Variants in UPRT observed in about 807,000 individuals in gnomAD.
UPRT encodes the protein RP11-311P8.3.
UPRT carries 5 observed loss-of-function variants against 22.6 expected under a neutral mutation model. The ratio of observed to expected loss-of-function variants is 0.22; its 90% CI spans 0.12 to 0.47. UPRT has a LOEUF of 0.47. Among genes scored for constraint, UPRT ranks in the 20% least tolerant of loss-of-function variants. The pLI is 0.99. For missense variants in UPRT, 181 were observed against 239.9 expected (o/e 0.75, Z 1.62); for synonymous variants, 77 against 87.7 (o/e 0.88, Z 0.68).
intron 4 of UPRT, among the ~76,000 whole-genome samples, chrX:75,237,662 A>G (rs2082472593): frequency 9.1e-6 from 1 of 109,815 alleles, no homozygotes; most frequent in South Asian, 4.0e-4. Context: ...CATGGATGAA[A>G]TTGGAAATCA....
At chrX:75,226,890 T>A (rs780130230) in intron 4 of UPRT, among the ~76,000 whole-genome samples, 17 of 111,252 alleles carry the variant, frequency 1.5e-4, no homozygotes, top group African/African-American at 4.6e-4. Flanking sequence ...CAAAGTTGGT[T>A]CTCAATAAAT....
chrX:75,291,892 G>A (rs1454876615), intron 1 of UPRT, among the ~76,000 whole-genome samples: 1 of 111,358 alleles, frequency 9.0e-6, no homozygotes, highest in Non-Finnish European at 1.9e-5. Context: ...GGTGCTTATT[G>A]TGCAAAAGTT....
At chrX:75,232,132 G>T (rs1235668053) in intron 4 of UPRT, among the ~76,000 whole-genome samples, 1 of 112,434 alleles carries the variant, frequency 8.9e-6, no homozygotes, top group Non-Finnish European at 1.9e-5. Context: ...CTTGGGAAGG[G>T]CAAGGGGTCA....
At chrX:75,171,215 T>C (rs2082226407) in intron 4 of UPRT, among the ~76,000 whole-genome samples, 1 of 111,604 alleles carries the variant, frequency 9.0e-6, no homozygotes, top group Admixed American at 9.5e-5. Context: ...TAATTATTCT[T>C]GGGTCTGGTC....
chrX:75,181,364 G>GT (rs781085335), intron 4 of UPRT, among the ~76,000 whole-genome samples: 2 of 111,365 alleles, frequency 1.8e-5, no homozygotes, highest in South Asian at 3.7e-4. Context: ...TTTTAAAATA[G>GT]TTTTTTTCTA....
chrX:75,234,173 T>C (rs1159100967), intron 4 of UPRT, among the ~76,000 whole-genome samples: 1 of 110,110 alleles, frequency 9.1e-6, no homozygotes. Flanking sequence ...CCAACAAAGA[T>C]CAAAAGAGAC....
At position 75,300,849 on chromosome X, in the gene UPRT, G is replaced by A. The variant is rs202180867; in HGVS notation, c.725-18G>A. ...AATGTTAAGGTTGCTAATTCATTTGGTTATCTTTTGATTTCAGGCACTGGA... is the reference window on the plus strand; with the variant it reads ...AATGTTAAGGTTGCTAATTCATTTGATTATCTTTTGATTTCAGGCACTGGA... On this transcript the variant is annotated intron_variant, in intron 5 of 6. Coordinates refer to ENST00000373383, the MANE Select transcript of UPRT (RefSeq NM_145052.4). 6.8e-5 allele frequency: 78 copies of A among 1,153,887 alleles called. No homozygotes were observed. The South Asian group carries it at 1.4e-3, about 20-fold the overall frequency.
At chrX:75,247,140 C>T (rs1015590806) in intron 4 of UPRT, among the ~76,000 whole-genome samples, 17 of 111,132 alleles carry the variant, frequency 1.5e-4, no homozygotes, top group African/African-American at 5.2e-4. Context: ...AAAAACAGAG[C>T]TCCCAGCATG....
At chrX:75,284,887 G>T (rs1260026169) in intron 1 of UPRT, among the ~76,000 whole-genome samples, 1 of 111,418 alleles carries the variant, frequency 9.0e-6, no homozygotes, top group Non-Finnish European at 1.9e-5. Context: ...TTTGTCTTCT[G>T]CTACCAGGGT....
At chrX:75,173,678 A>G (rs1164336077) in intron 4 of UPRT, among the ~76,000 whole-genome samples, 1 of 112,371 alleles carries the variant, frequency 8.9e-6, no homozygotes, top group Admixed American at 9.3e-5. Flanking sequence ...CTCGGGCCAC[A>G]CAGGAGCCCA....
chrX:75,173,601 T>C (rs1414084485), intron 4 of UPRT, among the ~76,000 whole-genome samples: 1 of 112,587 alleles, frequency 8.9e-6, no homozygotes, highest in Non-Finnish European at 1.9e-5. Context: ...GCGCTCACAC[T>C]CCTCAGCCCT....
intron 4 of UPRT, among the ~76,000 whole-genome samples, chrX:75,247,992 C>A (rs1247998748): frequency 8.9e-6 from 1 of 111,924 alleles, no homozygotes; most frequent in Non-Finnish European, 1.9e-5. Context: ...GTAAACTCTG[C>A]AGCTGAGGGT....
At chrX:75,272,360 G>GCA (rs1569279578), upstream of UPRT, among the ~76,000 whole-genome samples, 1 of 81,323 alleles carries the variant, frequency 1.2e-5, no homozygotes, top group Non-Finnish European at 2.4e-5. Context: ...ATATATATGT[G>GCA]TATATATATA....
intron 6 of UPRT, among the ~76,000 whole-genome samples, chrX:75,303,073 C>A (rs912866380): frequency 1.8e-5 from 2 of 111,132 alleles, no homozygotes; most frequent in Admixed American, 1.9e-4. Context: ...ACTGTATTCA[C>A]TCTATTACAG....
chrX:75,289,828 G>A (rs1406040433), intron 1 of UPRT, among the ~76,000 whole-genome samples: 1 of 111,821 alleles, frequency 8.9e-6, no homozygotes, highest in African/African-American at 3.3e-5. Flanking sequence ...ATATTTACAT[G>A]TAAGACCTCA....
chrX:75,267,022 C>T (rs185869575), intron 4 of UPRT, among the ~76,000 whole-genome samples: 5 of 111,419 alleles, frequency 4.5e-5, no homozygotes, highest in Admixed American at 9.6e-5. Context: ...TTGTGGAAGA[C>T]AGTATGGCGA....
At chrX:75,185,065 G>A (rs772587333) in intron 4 of UPRT, among the ~76,000 whole-genome samples, 2 of 111,588 alleles carry the variant, frequency 1.8e-5, no homozygotes, top group South Asian at 7.6e-4. Flanking sequence ...ATATTGAATA[G>A]GAGTGGTGAG....
At chrX:75,185,129 C>T (rs1336391238) in intron 4 of UPRT, among the ~76,000 whole-genome samples, 1 of 111,733 alleles carries the variant, frequency 8.9e-6, no homozygotes, top group Non-Finnish European at 1.9e-5. Context: ...CGAGGTTTTG[C>T]CCATTCAGTA....
At chrX:75,185,867 A>T (rs1354102266) in intron 4 of UPRT, among the ~76,000 whole-genome samples, 1 of 111,039 alleles carries the variant, frequency 9.0e-6, no homozygotes, top group Non-Finnish European at 1.9e-5. Flanking sequence ...TGGTGGTGAT[A>T]TCCCCTTTAT....
Sources: allele counts gnomAD v4.1 joint callset (sites outside exome capture counted in the v4.1 genomes callset), GRCh38; gene constraint gnomAD v4.1.1; transcripts MANE v1.5; gene names NCBI Gene and HGNC (gene_info 2026-07-23, HGNC 2026-07-21).